The following LAMC3 variants were observed in gnomAD, a reference collection of about 807,000 sequenced individuals.
LAMC3 encodes laminin subunit gamma 3, also known as laminin subunit gamma-3.
Under a neutral mutation model 173.8 loss-of-function variants are expected in LAMC3, and 128 were observed. That is an observed-to-expected ratio of 0.74 (90% CI 0.64 to 0.85). LAMC3 has a LOEUF of 0.85. Ranked by LOEUF, LAMC3 falls within the 40% of genes least tolerant of loss-of-function variation. The pLI is 0.00. For synonymous variants in LAMC3, 897 were observed against 909.1 expected, an observed-to-expected ratio of 0.99 and a Z score of 0.24; for missense variants, 2,022 against 2,156.0, an observed-to-expected ratio of 0.94 and a Z score of 1.23.
chr9:131,039,711 G>A (rs1251416514), intron 6 of LAMC3, among the ~76,000 whole-genome samples: 3 of 151,888 alleles, frequency 2.0e-5, no homozygotes, highest in Non-Finnish European at 4.4e-5. Flanking sequence ...CCAGTGCAAG[G>A]AGGAGCTAAT....
chr9:131,039,122 C>G lies in LAMC3; in HGVS notation c.1166-9C>G. 1.9e-6 allele frequency: 3 copies of G among 1,611,530 alleles called. No homozygotes were observed. Among genetic ancestry groups the G allele is most frequent in the Non-Finnish European group, 2.5e-6 (3 of 1,179,942 alleles). On this transcript the variant is annotated splice_polypyrimidine_tract_variant and intron_variant, in intron 5 of 27. Transcript: ENST00000361069. The stretch of plus-strand genomic sequence containing the variant: ...TGGCCTCAATTGCCCTGTGCCCTTC[C>G]TCTCCCAGGCTCCCTACACCTCCAG...
At chr9:131,039,820 C>T (rs570890308) in intron 6 of LAMC3, among the ~76,000 whole-genome samples, 173 of 151,374 alleles carry the variant, frequency 1.1e-3, no homozygotes, top group African/African-American at 3.9e-3. Context: ...GTGTGGGGAG[C>T]GGGGTGGGAG....
At chr9:131,081,958 T>G in intron 23 of LAMC3, 101 bp from the exon 24 acceptor site, 1 of 791,030 alleles carries the variant, frequency 1.3e-6, no homozygotes, top group Non-Finnish European at 2.2e-6. Flanking sequence ...GATTTGGTGA[T>G]GATTTGGGCA....
intron 11 of LAMC3, 147 bp downstream of exon 11, chr9:131,053,112 C>T (rs1834332008): frequency 1.4e-6 from 1 of 721,976 alleles, no homozygotes; most frequent in South Asian, 1.5e-5. Flanking sequence ...AGTCAAAAGT[C>T]AGGACAGTTG....
In LAMC3 at chr9:131,052,474, T is replaced by C. The variant is rs780681856; in HGVS notation, c.1631-17T>C. On this transcript the variant is annotated splice_polypyrimidine_tract_variant and intron_variant, in intron 9 of 27. Transcript: ENST00000361069. ...AACCATATGAAGACTGTCAAAGCCT[T>C]CTTCTCTTGTCTTCAGAGAAGTTCC... 8.1e-6 allele frequency: 13 copies of C among 1,605,980 alleles called. 1 individual carries two copies. In the East Asian group the frequency reaches 1.1e-4, roughly 14 times the overall value.
rs897272730 is a variant in LAMC3 at position 131,009,664 on chromosome 9, T to C, written c.373+77T>C. 6.6e-7 allele frequency: 1 copy of C among 1,505,500 alleles called. No homozygotes were observed. The highest frequency in any genetic ancestry group is 1.4e-5 in the African/African-American group (1 of 71,820). The allele number at this position is 1,505,500 out of a possible 1,614,324, so 93.3% of individuals were successfully genotyped here. On this transcript the variant is annotated intron_variant, in intron 1 of 27. Transcript: ENST00000361069. This position sits in a 1 kb window ranked among gnomAD's most constrained non-coding sequence, Gnocchi z 4.3. ...GGGGGTCTGAGGCTGAGGCCTGAGC[T>C]GCTGTGCGCCCAGGTTGGGCTGCAG...
rs1264960771 is a variant in LAMC3 at position 131,039,897 on chromosome 9, A to AG, written c.1283+653dup. ...GGGACAGCTGAGGGGAGAGAGGGAC[A>AG]GGGGCTCCTGGGGTCTGGACCTTAC... On this transcript the variant is annotated intron_variant, in intron 6 of 27. Coordinates refer to ENST00000361069, the MANE Select transcript of LAMC3 (RefSeq NM_006059.4). Among the ~76,000 whole-genome samples, 4 of 152,040 alleles carry AG rather than the reference A, an allele frequency of 2.6e-5. No homozygotes were observed. In the East Asian group the frequency reaches 7.8e-4, roughly 29 times the overall value.
Position 131,061,157 on chromosome 9 carries a change from T to G in LAMC3, c.2281T>G (p.Ser761Ala). 1 of 1,612,922 alleles carries G rather than the reference T, an allele frequency of 6.2e-7. No homozygotes were observed. Among genetic ancestry groups the G allele is most frequent in the South Asian group, 1.1e-5 (1 of 91,076 alleles). Residue 761 changes from serine (S) to alanine (A), a missense_variant, in exon 13 of 28, where the codon TCG (serine) becomes GCG (alanine). By Grantham distance (99) the Ser-to-Ala change is moderately conservative. Transcript: ENST00000361069. ...DCQPCPCPGQ[S>A]ACTTIPESRE... Reference sequence around the variant, plus strand: ...CCAGCCCTGTCCCTGCCCTGGCCAGTCGGCCTGTACGACCATCCCAGAGAG... The same window carrying G: ...CCAGCCCTGTCCCTGCCCTGGCCAGGCGGCCTGTACGACCATCCCAGAGAG...
In LAMC3 at chr9:131,092,576, C is replaced by A. The variant is rs1009644371; in HGVS notation, c.*789C>A. On this transcript the variant is annotated 3_prime_UTR_variant, in exon 28 of 28. Coordinates refer to ENST00000361069, the MANE Select transcript of LAMC3 (RefSeq NM_006059.4). ...CCCTCTCAGGGTCCTGGGACTGCAC[C>A]AGATGCCCTGAGGGAATGGCCCACC... 3.3e-5 allele frequency: 5 copies of A among 152,490 alleles called. No individual in the cohort carries two copies. The highest frequency in any genetic ancestry group is 1.2e-4 in the African/African-American group (5 of 41,452). 9.4% of individuals were successfully genotyped at this position (152,490 alleles called of 1,614,324 possible). A position where few individuals can be genotyped will look rare whatever the true frequency, so the allele number is the denominator to read the frequency against.
In LAMC3 at chr9:131,021,315, GT is replaced by G. The variant is rs1229210240; in HGVS notation, c.374-4964del. The G allele has an allele frequency of 2.0e-5, 3 of 152,044 alleles. No individual in the cohort carries two copies. The East Asian group carries it at 5.8e-4, about 29-fold the overall frequency. The allele number at this position is 152,044 out of a possible 1,614,324, so 9.4% of individuals were successfully genotyped here. On this transcript the variant is annotated intron_variant, in intron 1 of 27. Transcript: ENST00000361069. Reference sequence around the variant, plus strand: ...CTGTCAAATAGATGCATTGTTTTTAGTTTTTTCGGGAACCACCAGTTTCCCA... The same window carrying G: ...CTGTCAAATAGATGCATTGTTTTTAGTTTTTCGGGAACCACCAGTTTCCCA...
Position 131,069,679 on chromosome 9 carries a change from G to T in LAMC3, c.2898G>T (p.Arg966Ser). 2.6e-6 allele frequency: 4 copies of T among 1,568,586 alleles called. No homozygotes were observed. Among genetic ancestry groups the T allele is most frequent in the Non-Finnish European group, 2.6e-6 (3 of 1,159,110 alleles). ...GFSIKGCRAC[R>S]CSPLGAASAQ... The stretch of plus-strand genomic sequence containing the variant: ...TGCCCCTGGCCCCTCTAGCCTGCAG[G>T]TGCTCCCCACTGGGCGCTGCCTCGG... Residue 966 changes from arginine (R) to serine (S), a missense_variant, in exon 17 of 28, where the codon AGG (arginine) becomes AGT (serine). Coordinates refer to ENST00000361069, the MANE Select transcript of LAMC3 (RefSeq NM_006059.4).
intron 6 of LAMC3, 25 bp downstream of exon 6, chr9:131,039,273 T>G: frequency 6.4e-7 from 1 of 1,562,720 alleles, no homozygotes; most frequent in Non-Finnish European, 8.7e-7. Context: ...CGGCCCAGTA[T>G]GGACACATTG....
At chr9:131,081,003 A>G (rs1259843878) in intron 23 of LAMC3, among the ~76,000 whole-genome samples, 1 of 152,184 alleles carries the variant, frequency 6.6e-6, no homozygotes, top group Non-Finnish European at 1.5e-5. Flanking sequence ...ACCTCAGTCT[A>G]GTTTCAGAAC....
Position 131,091,907 on chromosome 9 carries a change from G to T in LAMC3, c.*120G>T. ...CCCCGGAGCCGGCTGCTGTGAACTC[G>T]CCCCCGTGTGGATAGTCACTCCCTG... On this transcript the variant is annotated 3_prime_UTR_variant, in exon 28 of 28. Coordinates refer to ENST00000361069, the MANE Select transcript of LAMC3 (RefSeq NM_006059.4). The T allele has an allele frequency of 8.3e-7, 1 of 1,207,036 alleles. No homozygotes were observed. Among genetic ancestry groups the T allele is most frequent in the Non-Finnish European group, 1.1e-6 (1 of 882,426 alleles). The allele number at this position is 1,207,036 out of a possible 1,614,324, so 74.8% of individuals were successfully genotyped here. A position where few individuals can be genotyped will look rare whatever the true frequency, so the allele number is the denominator to read the frequency against.
chr9:131,067,519 C>G (rs1216014513), intron 14 of LAMC3, among the ~76,000 whole-genome samples: 1 of 152,190 alleles, frequency 6.6e-6, no homozygotes, highest in Non-Finnish European at 1.5e-5. Context: ...TGCGCCGGGT[C>G]TCCATGGCCA....
At chr9:131,043,099 T>C (rs1442936988) in intron 7 of LAMC3, among the ~76,000 whole-genome samples, 5 of 152,210 alleles carry the variant, frequency 3.3e-5, no homozygotes, top group African/African-American at 4.8e-5. Context: ...ACACCCTGCT[T>C]CAGGAAGCCC....
Position 131,026,151 on chromosome 9 carries a change from C to T in LAMC3, c.374-134C>T. On this transcript the variant is annotated intron_variant, in intron 1 of 27. Coordinates refer to ENST00000361069, the MANE Select transcript of LAMC3 (RefSeq NM_006059.4). This position sits in a 1 kb window ranked among gnomAD's most constrained non-coding sequence, Gnocchi z 4.8. The stretch of plus-strand genomic sequence containing the variant: ...CATCATGAATGGAGGGTGGCTTCCC[C>T]TGTCCAGAGCTCCAGACAGCTTCCA... The T allele has an allele frequency of 7.8e-6, 12 of 1,529,006 alleles. No homozygotes were observed. Among genetic ancestry groups the T allele is most frequent in the Non-Finnish European group, 1.1e-5 (12 of 1,134,354 alleles). 94.7% of individuals were successfully genotyped at this position (1,529,006 alleles called of 1,614,324 possible).
At chr9:131,027,815 G>A (rs764683730) in intron 2 of LAMC3, among the ~76,000 whole-genome samples, 13 of 152,318 alleles carry the variant, frequency 8.5e-5, no homozygotes, top group Non-Finnish European at 1.8e-4. Flanking sequence ...TTGTCCTCAC[G>A]GTAGAGAGGA....
At position 131,032,048 on chromosome 9, in the gene LAMC3, T is replaced by C; in HGVS notation, c.682T>C (p.Trp228Arg). The C allele has an allele frequency of 6.2e-7, 1 of 1,613,392 alleles. No individual in the cohort carries two copies. The highest frequency in any genetic ancestry group is 8.5e-7 in the Non-Finnish European group (1 of 1,179,762). Residue 228 changes from tryptophan (W) to arginine (R), a missense_variant, in exon 3 of 28, where the codon TGG becomes CGG. Coordinates refer to ENST00000361069, the MANE Select transcript of LAMC3 (RefSeq NM_006059.4). ...CACCCTCTCCCCTCTGCCCCAGGAG[T>C]GGGTCACCAGCACCGAACTCCTCAT... The part of the protein sequence containing the change: ...NFEESPGLQE[W>R]VTSTELLISL...
Sources: gnomAD v4.1 joint callset for allele counts (sites outside exome capture counted in the v4.1 genomes callset) on GRCh38, gnomAD v4.1.1 for gene constraint, Gnocchi (gnomAD v3.1) non-coding constraint, MANE v1.5 for transcripts, NCBI Gene and HGNC (gene_info 2026-07-23, HGNC 2026-07-21) for gene names.